ARSB: variants seen among roughly 807,000 people sequenced by gnomAD.
The protein encoded by ARSB is arylsulfatase B, also known as N-acetylgalactosamine-4-sulfatase.
A neutral mutation model predicts 50.9 loss-of-function variants in ARSB; 41 were observed. The observed-to-expected ratio is 0.81, with a 90% CI of 0.63 to 1.04. The LOEUF (loss-of-function observed/expected upper bound fraction) is 1.04, where lower values mean the gene tolerates loss of function less well. ARSB is among the 50% of genes least tolerant of loss of function. The pLI is 0.00. For missense variants in ARSB, 672 were observed against 693.3 expected (o/e 0.97, Z 0.35); for synonymous variants, 269 against 284.8 (o/e 0.94, Z 0.56).
intron 4 of ARSB, among the ~76,000 whole-genome samples, chr5:78,939,802 TG>T (rs1750815958): frequency 6.6e-6 from 1 of 152,186 alleles, no homozygotes; most frequent in South Asian, 2.1e-4. Flanking sequence ...TACCCAGTAA[TG>T]GGATGGCTGG....
At chr5:78,861,621 T>A (rs1340668949) in intron 5 of ARSB, among the ~76,000 whole-genome samples, 2 of 152,118 alleles carry the variant, frequency 1.3e-5, no homozygotes, top group African/African-American at 4.8e-5. Context: ...CTAAAAACAA[T>A]AAGAGCTATC....
intron 2 of ARSB, among the ~76,000 whole-genome samples, chr5:78,966,258 C>T (rs921944): frequency 2.0e-5 from 3 of 152,216 alleles, no homozygotes; most frequent in African/African-American, 7.2e-5. Flanking sequence ...TAATACCAAG[C>T]AACCATGTGA....
intron 4 of ARSB, among the ~76,000 whole-genome samples, chr5:78,917,768 C>T (rs1409662725): frequency 6.6e-6 from 1 of 152,228 alleles, no homozygotes; most frequent in African/African-American, 2.4e-5. Flanking sequence ...CCACCTCGGC[C>T]TCCCAAAGTG....
chr5:78,836,110 A>T (rs897900749), intron 6 of ARSB, among the ~76,000 whole-genome samples: 1 of 152,208 alleles, frequency 6.6e-6, no homozygotes, highest in African/African-American at 2.4e-5. Flanking sequence ...TGAATTGCAT[A>T]GAAAAGGAAA....
intron 5 of ARSB, among the ~76,000 whole-genome samples, chr5:78,850,256 T>C (rs1423983816): frequency 6.6e-6 from 1 of 152,156 alleles, no homozygotes; most frequent in Non-Finnish European, 1.5e-5. Context: ...TTATTGAGAG[T>C]TTTTAGCATG....
At chr5:78,930,470 A>G (rs1750273432) in intron 4 of ARSB, among the ~76,000 whole-genome samples, 2 of 152,234 alleles carry the variant, frequency 1.3e-5, no homozygotes. Context: ...CTTTTCTTTG[A>G]ATAGTCACGG....
chr5:78,808,723 C>T (rs536315513), intron 6 of ARSB, among the ~76,000 whole-genome samples: 14 of 152,308 alleles, frequency 9.2e-5, no homozygotes, highest in African/African-American at 3.4e-4. Context: ...TTTTGAAGGC[C>T]ACAAGGGACC....
rs567781330 is a variant in ARSB at position 78,824,462 on chromosome 5, C to A, written c.1213+14894G>T. The stretch of plus-strand genomic sequence containing the variant: ...CAGAGACCCAGCAGTATTGGCACCA[C>A]TCAGGAGTCTGTTAGAAATGCTGAA... On this transcript the variant is annotated intron_variant, in intron 6 of 7. Coordinates refer to ENST00000264914, the MANE Select transcript of ARSB (RefSeq NM_000046.5). 9.8e-5 allele frequency among the ~76,000 whole-genome samples: 15 copies of A among 152,292 alleles called. No individual in the cohort carries two copies. In the South Asian group the frequency reaches 3.1e-3, roughly 32 times the overall value.
At chr5:78,792,802 T>C (rs1743020285) in intron 6 of ARSB, among the ~76,000 whole-genome samples, 1 of 150,666 alleles carries the variant, frequency 6.6e-6, no homozygotes, top group Non-Finnish European at 1.5e-5. Context: ...GTTGAACCTA[T>C]GGCCTCTGAC....
chr5:78,845,242 A>G (rs372037300), intron 5 of ARSB, among the ~76,000 whole-genome samples: 168 of 152,224 alleles, frequency 1.1e-3, no homozygotes, highest in Middle Eastern at 3.4e-3. Flanking sequence ...AGAGTATTCC[A>G]TTGTGTATAT....
At chr5:78,865,619 T>C (rs533577410) in intron 5 of ARSB, among the ~76,000 whole-genome samples, 2 of 152,342 alleles carry the variant, frequency 1.3e-5, no homozygotes, top group African/African-American at 2.4e-5. Flanking sequence ...ACTCAGAAAA[T>C]GGAATTTTCT....
intron 6 of ARSB, among the ~76,000 whole-genome samples, chr5:78,811,877 C>T (rs1034941513): frequency 6.6e-6 from 1 of 152,062 alleles, no homozygotes; most frequent in Admixed American, 6.6e-5. Flanking sequence ...ATTGAAAAAA[C>T]ACTAATTATA....
chr5:78,806,334 ATCT>A (rs1394747434), intron 6 of ARSB, among the ~76,000 whole-genome samples: 4 of 152,250 alleles, frequency 2.6e-5, no homozygotes, highest in Admixed American at 1.3e-4. Flanking sequence ...ATCTTTAGAG[ATCT>A]TCTTCTGCAT....
At chr5:78,784,625 A>C (rs1749029125) in intron 6 of ARSB, among the ~76,000 whole-genome samples, 1 of 152,048 alleles carries the variant, frequency 6.6e-6, no homozygotes, top group East Asian at 1.9e-4. Flanking sequence ...AGTTTTGATA[A>C]CTTGTATTTT....
chr5:78,846,421 T>C (rs937382627), intron 5 of ARSB, among the ~76,000 whole-genome samples: 1 of 152,136 alleles, frequency 6.6e-6, no homozygotes, highest in African/African-American at 2.4e-5. Context: ...GAGAATGTTA[T>C]TGGTATTTAG....
chr5:78,974,828 A>G (rs1752596763), intron 1 of ARSB, among the ~76,000 whole-genome samples: 1 of 152,184 alleles, frequency 6.6e-6, no homozygotes, highest in African/African-American at 2.4e-5. Flanking sequence ...CTTAGGAAGG[A>G]CACCTGGCTT....
intron 6 of ARSB, among the ~76,000 whole-genome samples, chr5:78,824,045 T>C (rs1744338151): frequency 6.6e-6 from 1 of 152,204 alleles, no homozygotes; most frequent in African/African-American, 2.4e-5. Flanking sequence ...CTGTTCATGT[T>C]TTAAAGAGCT....
chr5:78,925,664 A>G (rs1428620992), intron 4 of ARSB, among the ~76,000 whole-genome samples: 1 of 152,220 alleles, frequency 6.6e-6, no homozygotes, highest in African/African-American at 2.4e-5. Flanking sequence ...GTTCTGTCGT[A>G]AACAAGACAC....
Position 78,779,982 on chromosome 5 carries a change from G to A in ARSB, c.*415C>T. On this transcript the variant is annotated 3_prime_UTR_variant, in exon 8 of 8. Transcript: ENST00000264914. ...TTGGCCAACAGAACCATTAATCACT[G>A]TCTGCTCCCTTCATTTGCGTAAGAA... The A allele has an allele frequency of 3.7e-6, 1 of 271,732 alleles. No homozygotes were observed. 16.8% of individuals were successfully genotyped at this position (271,732 alleles called of 1,614,324 possible).
Sources: allele counts gnomAD v4.1 joint callset (sites outside exome capture counted in the v4.1 genomes callset), GRCh38; gene constraint gnomAD v4.1.1; transcripts MANE v1.5; gene names NCBI Gene and HGNC (gene_info 2026-07-23, HGNC 2026-07-21).